The following MS4A5 variants were observed in gnomAD, a reference collection of about 807,000 sequenced individuals.
MS4A5 encodes the protein membrane-spanning 4-domains subfamily A member 5.
Under a neutral mutation model 18.2 loss-of-function variants are expected in MS4A5, and 15 were observed. That is an observed-to-expected ratio of 0.83 (90% confidence interval 0.55 to 1.27). The LOEUF (loss-of-function observed/expected upper bound fraction) is 1.27. Among genes scored for constraint, MS4A5 ranks in the 50% most tolerant of loss-of-function variants. MS4A5 has a pLI of 0.00. For missense variants in MS4A5, 232 were observed against 225.7 expected, an observed-to-expected ratio of 1.03 and a Z score of -0.18; for synonymous variants, 89 against 78.7, an observed-to-expected ratio of 1.13 and a Z score of -0.69.
intron 4 of MS4A5, among the ~76,000 whole-genome samples, chr11:60,444,730 A>G (rs2086130526): frequency 6.6e-6 from 1 of 152,240 alleles, no homozygotes; most frequent in Non-Finnish European, 1.5e-5. Context: ...CACACACACC[A>G]GAATCATTTT....
At chr11:60,436,184 GA>G (rs1372995529) in intron 4 of MS4A5, among the ~76,000 whole-genome samples, 3 of 151,600 alleles carry the variant, frequency 2.0e-5, no homozygotes, top group Non-Finnish European at 2.9e-5. Context: ...TCACACGGCA[GA>G]GTACTCCAAC....
chr11:60,436,941 G>A (rs1177610235), intron 4 of MS4A5, among the ~76,000 whole-genome samples: 2 of 132,472 alleles, frequency 1.5e-5, no homozygotes, highest in African/African-American at 5.3e-5. Context: ...GATACTCCTC[G>A]AGAAAAGCAA....
chr11:60,446,289 C>A (rs1257520015), intron 4 of MS4A5, among the ~76,000 whole-genome samples: 1 of 152,132 alleles, frequency 6.6e-6, no homozygotes, highest in East Asian at 1.9e-4. Flanking sequence ...ACCTTTGCAA[C>A]CTAAGTATAA....
intron 2 of MS4A5, among the ~76,000 whole-genome samples, chr11:60,431,748 G>T (rs2086049597): frequency 6.6e-6 from 1 of 152,190 alleles, no homozygotes. Flanking sequence ...GGGATGTCTT[G>T]TTGCATGCCA....
At chr11:60,437,213 A>G (rs900533389) in intron 4 of MS4A5, among the ~76,000 whole-genome samples, 13 of 149,140 alleles carry the variant, frequency 8.7e-5, no homozygotes, top group Non-Finnish European at 1.5e-4. Flanking sequence ...TTTACAGACA[A>G]GCAAATGCTG....
At chr11:60,441,905 A>C (rs2086115296) in intron 4 of MS4A5, among the ~76,000 whole-genome samples, 1 of 152,192 alleles carries the variant, frequency 6.6e-6, no homozygotes, top group African/African-American at 2.4e-5. Context: ...TTTCTATAAT[A>C]AAAGGGTCGA....
intron 4 of MS4A5, chr11:60,435,538 G>A (rs2086074335): frequency 2.7e-6 from 1 of 374,680 alleles, no homozygotes; most frequent in African/African-American, 2.1e-5. Context: ...TCTCACTAGG[G>A]AGTGCCAGAC....
intron 4 of MS4A5, chr11:60,435,609 C>A: frequency 3.6e-6 from 1 of 278,262 alleles, no homozygotes; most frequent in East Asian, 1.2e-4. Context: ...CGAGGCATTG[C>A]CTCACTTGGG....
At chr11:60,438,680 T>C (rs1311559313) in intron 4 of MS4A5, among the ~76,000 whole-genome samples, 2 of 151,678 alleles carry the variant, frequency 1.3e-5, no homozygotes, top group Non-Finnish European at 2.9e-5. Flanking sequence ...CTAGAAGAAA[T>C]GGATAAATTC....
At chr11:60,440,379 G>A (rs2086104093) in intron 4 of MS4A5, among the ~76,000 whole-genome samples, 1 of 127,224 alleles carries the variant, frequency 7.9e-6, no homozygotes, top group Non-Finnish European at 1.7e-5. Context: ...AGGACTTCAT[G>A]TCTAAAACAC....
chr11:60,432,390 C>T (rs756706663), intron 2 of MS4A5, 21 bp from the exon 3 acceptor site: 41 of 1,510,206 alleles, frequency 2.7e-5, no homozygotes, highest in Non-Finnish European at 3.4e-5. Context: ...TCATCATTAA[C>T]ATATTTATTC....
intron 4 of MS4A5, among the ~76,000 whole-genome samples, chr11:60,437,012 C>A (rs1326423172): frequency 7.4e-6 from 1 of 135,896 alleles, no homozygotes; most frequent in African/African-American, 2.6e-5. Context: ...ATGTTAAGGG[C>A]AGCCAGAGAG....
intron 4 of MS4A5, among the ~76,000 whole-genome samples, chr11:60,434,229 T>G (rs2086066704): frequency 6.6e-6 from 1 of 152,126 alleles, no homozygotes; most frequent in African/African-American, 2.4e-5. Context: ...TAGCCCTATA[T>G]GTACATTAGA....
In MS4A5 at chr11:60,433,892, G is replaced by A. The variant is rs1565186779; in HGVS notation, c.467G>A (p.Cys156Tyr). 1.9e-6 allele frequency: 3 copies of A among 1,614,062 alleles called. No homozygotes were observed. The highest frequency in any genetic ancestry group is 4.5e-5 in the East Asian group (2 of 44,872). ...GGTTATTCTCACCAAAATAGTCAGT[G>A]TAAGGCTGTTACTGTCCTGTTCTTG... is the stretch of plus-strand genomic sequence containing the variant. ...ICGYSHQNSQ[C>Y]KAVTVLFLGI... Residue 156 changes from cysteine (C) to tyrosine (Y), a missense_variant, in exon 4 of 5, where the codon TGT (cysteine) becomes TAT (tyrosine). By Grantham distance (194) the Cys-to-Tyr change is radical (BLOSUM62 -2). Transcript: ENST00000300190.
chr11:60,431,522 A>C (rs892175654), intron 2 of MS4A5, among the ~76,000 whole-genome samples: 14 of 152,210 alleles, frequency 9.2e-5, no homozygotes, highest in African/African-American at 3.1e-4. Flanking sequence ...GCCTGAGCTC[A>C]AGGTCTCAGT....
At chr11:60,438,451 C>A (rs1462513286) in intron 4 of MS4A5, among the ~76,000 whole-genome samples, 5 of 151,796 alleles carry the variant, frequency 3.3e-5, no homozygotes, top group South Asian at 2.1e-4. Flanking sequence ...AATAGAGACA[C>A]AAAAAACTCT....
At chr11:60,439,975 C>T (rs943984739) in intron 4 of MS4A5, among the ~76,000 whole-genome samples, 55 of 146,572 alleles carry the variant, frequency 3.8e-4, no homozygotes, top group Admixed American at 2.4e-3. Context: ...CAAGTCAATC[C>T]GAAGCCAAAA....
intron 2 of MS4A5, among the ~76,000 whole-genome samples, chr11:60,432,019 G>A (rs544127962): frequency 1.1e-5 from 1 of 88,736 alleles, no homozygotes; most frequent in South Asian, 4.0e-4. Flanking sequence ...CCCACCTTAT[G>A]TTCCCATCCA....
intron 4 of MS4A5, among the ~76,000 whole-genome samples, chr11:60,441,817 G>A (rs1006814103): frequency 3.3e-5 from 5 of 152,110 alleles, no homozygotes; most frequent in Admixed American, 2.0e-4. Context: ...ACTGCATTCT[G>A]TTTACAAGAA....
Sources: gnomAD v4.1 joint callset for allele counts (sites outside exome capture counted in the v4.1 genomes callset) on GRCh38, gnomAD v4.1.1 for gene constraint, MANE v1.5 for transcripts, NCBI Gene and HGNC (gene_info 2026-07-23, HGNC 2026-07-21) for gene names.